The following ELF5 variants were observed in gnomAD, a reference collection of about 807,000 sequenced individuals.
ELF5 encodes ETS-related transcription factor Elf-5.
A neutral mutation model predicts 38.2 loss-of-function variants in ELF5; 31 were observed. The observed-to-expected ratio is 0.81, with a 90% CI of 0.61 to 1.10. The LOEUF (loss-of-function observed/expected upper bound fraction) is 1.10. Among genes scored for constraint, ELF5 ranks in the 50% least tolerant of loss-of-function variants. The pLI is 0.00. For missense variants in ELF5, 300 were observed against 306.6 expected, an observed-to-expected ratio of 0.98 and a Z score of 0.16; for synonymous variants, 121 against 112.5, an observed-to-expected ratio of 1.08 and a Z score of -0.48.
chr11:34,496,274 C>T (rs1397578660), intron 2 of ELF5, among the ~76,000 whole-genome samples: 1 of 152,244 alleles, frequency 6.6e-6, no homozygotes, highest in Non-Finnish European at 1.5e-5. Flanking sequence ...GCGGCCTCGG[C>T]CCCTGGAGGG....
At position 34,479,183 on chromosome 11, in the gene ELF5, A is replaced by T. The variant is rs986292278; in HGVS notation, c.*1035T>A. On this transcript the variant is annotated 3_prime_UTR_variant, in exon 7 of 7. Coordinates refer to ENST00000257832, the MANE Select transcript of ELF5 (RefSeq NM_001422.4). ...TAGAAAGACAAAACAAAAAAGACAC[A>T]CAATTTAATTTGCCATTACAGAGTT... 6.5e-6 allele frequency: 1 copy of T among 152,682 alleles called. No individual in the cohort carries two copies. The highest frequency in any genetic ancestry group is 2.1e-4 in the South Asian group (1 of 4,834). The allele number at this position is 152,682 out of a possible 1,614,324, so 9.5% of individuals were successfully genotyped here. A position where few individuals can be genotyped will look rare whatever the true frequency, so the allele number is the denominator to read the frequency against.
In ELF5 at chr11:34,479,724, T is replaced by C. The variant is rs1856885739; in HGVS notation, c.*494A>G. 6.5e-6 allele frequency: 1 copy of C among 152,970 alleles called. No homozygotes were observed. The highest frequency in any genetic ancestry group is 6.5e-5 in the Admixed American group (1 of 15,302). 9.5% of individuals were successfully genotyped at this position (152,970 alleles called of 1,614,324 possible). A position where few individuals can be genotyped will look rare whatever the true frequency, so the allele number is the denominator to read the frequency against. On this transcript the variant is annotated 3_prime_UTR_variant, in exon 7 of 7. Coordinates refer to ENST00000257832, the MANE Select transcript of ELF5 (RefSeq NM_001422.4). The stretch of plus-strand genomic sequence containing the variant: ...AAAGGGATACTTTTCTATGGATTTT[T>C]GACTTTAATAATTTAAAATCTAAAG...
chr11:34,490,131 GGT>G (rs1850126930), intron 3 of ELF5, 72 bp from the exon 4 acceptor site: 1 of 1,525,638 alleles, frequency 6.6e-7, no homozygotes, highest in Non-Finnish European at 9.1e-7. Flanking sequence ...CAGGAGAGGG[GGT>G]GTTGGAGGGA....
At chr11:34,499,603 A>G (rs1450159982) in intron 2 of ELF5, among the ~76,000 whole-genome samples, 2 of 152,238 alleles carry the variant, frequency 1.3e-5, no homozygotes, top group Non-Finnish European at 2.9e-5. Context: ...CAGGTTCTAA[A>G]AGAAGTTTGA....
chr11:34,508,050 T>C (rs966024110), intron 1 of ELF5, among the ~76,000 whole-genome samples: 1 of 152,230 alleles, frequency 6.6e-6, no homozygotes, highest in Non-Finnish European at 1.5e-5. Context: ...ATATTAGCAA[T>C]ATAAATGGAA....
In ELF5 at chr11:34,490,063, G is replaced by T. The variant is rs532151103; in HGVS notation, c.356-4C>A. The T allele has an allele frequency of 1.2e-6, 2 of 1,613,872 alleles. No individual in the cohort carries two copies. Among genetic ancestry groups the T allele is most frequent in the African/African-American group, 2.7e-5 (2 of 75,022 alleles). On this transcript the variant is annotated splice_region_variant and splice_polypyrimidine_tract_variant and intron_variant, in intron 3 of 6. Transcript: ENST00000257832. ...GCGTCATTAAAAAAGGAGTAACCTG[G>T]GAAAGAAAAAGAAATCCAGAAACCA...
intron 1 of ELF5, among the ~76,000 whole-genome samples, chr11:34,512,303 T>C (rs954969185): frequency 6.6e-6 from 1 of 152,170 alleles, no homozygotes; most frequent in Admixed American, 6.5e-5. Context: ...TTAGCTCGCT[T>C]AGGGAGTTTG....
chr11:34,509,727 G>A (rs1448253811), intron 1 of ELF5, among the ~76,000 whole-genome samples: 1 of 152,202 alleles, frequency 6.6e-6, no homozygotes, highest in Non-Finnish European at 1.5e-5. Flanking sequence ...CTTCAGAAAA[G>A]TTCCTTTAAG....
intron 3 of ELF5, chr11:34,492,232 G>A (rs1030710982): frequency 1.3e-5 from 2 of 152,326 alleles, no homozygotes; most frequent in Admixed American, 1.3e-4. Flanking sequence ...TGTCACTGGA[G>A]TTTTGGCTCC....
At chr11:34,509,650 G>A (rs916343165) in intron 1 of ELF5, among the ~76,000 whole-genome samples, 11 of 152,046 alleles carry the variant, frequency 7.2e-5, no homozygotes, top group Non-Finnish European at 1.6e-4. Context: ...CTGAGGGATG[G>A]GGTGAGAGGT....
rs879379836 is a variant in ELF5 at position 34,485,059 on chromosome 11, G to A, written c.407-2560C>T. Among the ~76,000 whole-genome samples the A allele has an allele frequency of 5.3e-5, 8 of 152,110 alleles. No individual in the cohort carries two copies. In the South Asian group the frequency reaches 1.0e-3, roughly 20 times the overall value. On this transcript the variant is annotated intron_variant, in intron 4 of 6. Coordinates refer to ENST00000257832, the MANE Select transcript of ELF5 (RefSeq NM_001422.4). ...TCCTCCACTATCAGCTGATATTTAC[G>A]GAGCACTTACTAAATGCCAAGTGCT...
intron 4 of ELF5, among the ~76,000 whole-genome samples, chr11:34,483,910 TACTA>T (rs1856999767): frequency 6.6e-6 from 1 of 151,844 alleles, no homozygotes; most frequent in South Asian, 2.1e-4. Flanking sequence ...TACTATACTA[TACTA>T]ACTGTACTGT....
chr11:34,499,798 A>G (rs1290319610), intron 2 of ELF5, among the ~76,000 whole-genome samples: 1 of 152,110 alleles, frequency 6.6e-6, no homozygotes, highest in African/African-American at 2.4e-5. Context: ...CTTCCAATGG[A>G]AGTCACAGGG....
At chr11:34,496,999 T>G (rs375153577) in intron 2 of ELF5, among the ~76,000 whole-genome samples, 2 of 152,242 alleles carry the variant, frequency 1.3e-5, no homozygotes, top group South Asian at 4.1e-4. Flanking sequence ...TAATTGTAAT[T>G]ATAAATAATG....
At chr11:34,504,796 C>T (rs1381349829) in intron 2 of ELF5, among the ~76,000 whole-genome samples, 11 of 152,278 alleles carry the variant, frequency 7.2e-5, no homozygotes, top group South Asian at 2.1e-4. Flanking sequence ...GGCCTCCCTC[C>T]GGCATGGGAT....
At chr11:34,509,361 G>A (rs187340327) in intron 1 of ELF5, among the ~76,000 whole-genome samples, 51 of 152,250 alleles carry the variant, frequency 3.3e-4, no homozygotes, top group African/African-American at 1.2e-3. Flanking sequence ...AAACGTGCAT[G>A]AGAACTCCTC....
chr11:34,507,979 A>T (rs1404670019), intron 1 of ELF5, among the ~76,000 whole-genome samples: 2 of 152,212 alleles, frequency 1.3e-5, no homozygotes, highest in Admixed American at 1.3e-4. Flanking sequence ...TAAAATACTT[A>T]AAAAAATCAT....
intron 2 of ELF5, among the ~76,000 whole-genome samples, chr11:34,498,244 A>G (rs1850363268): frequency 1.3e-5 from 2 of 152,224 alleles, no homozygotes; most frequent in South Asian, 2.1e-4. Flanking sequence ...AGGGCCAGGC[A>G]TATGGCAAGT....
intron 4 of ELF5, among the ~76,000 whole-genome samples, chr11:34,486,210 G>C (rs1435918924): frequency 6.6e-6 from 1 of 152,124 alleles, no homozygotes; most frequent in African/African-American, 2.4e-5. Context: ...GTGCAGAGAA[G>C]CTCTGAGGCT....
Sources: allele counts gnomAD v4.1 joint callset (sites outside exome capture counted in the v4.1 genomes callset), GRCh38; gene constraint gnomAD v4.1.1; transcripts MANE v1.5; gene names NCBI Gene and HGNC (gene_info 2026-07-23, HGNC 2026-07-21).